The following TMEM232 variants were observed in gnomAD, a reference collection of about 807,000 sequenced individuals.
TMEM232 encodes the protein transmembrane protein 232.
A neutral mutation model predicts 78.8 loss-of-function variants in TMEM232; 80 were observed. That is an observed-to-expected ratio of 1.01 (90% confidence interval 0.85 to 1.22). The LOEUF is 1.22. Ranked by LOEUF, TMEM232 falls within the 50% of genes most tolerant of loss-of-function variation. TMEM232 has a pLI of 0.00. For synonymous variants in TMEM232, 297 were observed against 254.3 expected, an observed-to-expected ratio of 1.17 and a Z score of -1.60; for missense variants, 881 against 742.2, an observed-to-expected ratio of 1.19 and a Z score of -2.17.
At chr5:110,490,121 AAAAGAAAGAAAGAAAGAAAGAAAG>A (rs201189138) in intron 12 of TMEM232, among the ~76,000 whole-genome samples, 2,157 of 110,520 alleles carry the variant, frequency 0.02, 54 homozygotes, top group African/African-American at 0.052. Context: ...CTCCGTTTCA[AAAAGAAAGAAAGAAAGAAAGAAAG>A]AAAGAAAGAA....
chr5:110,636,425 C>A (rs979931231), intron 5 of TMEM232, among the ~76,000 whole-genome samples: 2 of 151,900 alleles, frequency 1.3e-5, no homozygotes, highest in African/African-American at 4.8e-5. Context: ...GATGCAAACA[C>A]ATAGAAATAA....
chr5:110,557,142 T>C (rs566864047), intron 11 of TMEM232, among the ~76,000 whole-genome samples: 9 of 152,302 alleles, frequency 5.9e-5, no homozygotes, highest in South Asian at 2.1e-4. Flanking sequence ...CCAAGATTCT[T>C]TTCTCAGCTT....
intron 1 of TMEM232, among the ~76,000 whole-genome samples, chr5:110,705,328 G>A (rs1328578879): frequency 1.3e-5 from 2 of 152,192 alleles, no homozygotes; most frequent in African/African-American, 4.8e-5. Context: ...GACAAGTTGG[G>A]AATGTATTTA....
intron 11 of TMEM232, among the ~76,000 whole-genome samples, chr5:110,555,145 G>T (rs1435025922): frequency 6.6e-6 from 1 of 152,060 alleles, no homozygotes; most frequent in Non-Finnish European, 1.5e-5. Flanking sequence ...TCATGTGGGT[G>T]TTTAGTGCTA....
intron 1 of TMEM232, among the ~76,000 whole-genome samples, chr5:110,693,849 G>T (rs1794436031): frequency 6.6e-6 from 1 of 152,142 alleles, no homozygotes; most frequent in African/African-American, 2.4e-5. Flanking sequence ...GAAAGTGACG[G>T]GGAGAATGGA....
At chr5:110,550,251 A>G (rs1217851791) in intron 11 of TMEM232, among the ~76,000 whole-genome samples, 1 of 152,164 alleles carries the variant, frequency 6.6e-6, no homozygotes, top group Non-Finnish European at 1.5e-5. Flanking sequence ...TTCTATATCA[A>G]TTCATAATAA....
chr5:110,726,295 G>A (rs1334618777), intron 1 of TMEM232, among the ~76,000 whole-genome samples: 4 of 152,128 alleles, frequency 2.6e-5, no homozygotes, highest in East Asian at 1.9e-4. Flanking sequence ...CAGGATAAGC[G>A]AGTCCAGGGG....
chr5:110,652,875 G>A (rs1443336921), intron 2 of TMEM232, among the ~76,000 whole-genome samples: 1 of 152,164 alleles, frequency 6.6e-6, no homozygotes, highest in Non-Finnish European at 1.5e-5. Flanking sequence ...TGTAAGAGCA[G>A]TCCTGTGGAA....
chr5:110,696,987 C>G (rs1437773457), intron 1 of TMEM232, among the ~76,000 whole-genome samples: 2 of 152,060 alleles, frequency 1.3e-5, no homozygotes, highest in Non-Finnish European at 2.9e-5. Flanking sequence ...CCCGCATTGC[C>G]AAGTCAATTC....
rs570205148 is a variant in TMEM232 at position 110,642,797 on chromosome 5, G to A, written c.126-426C>T. Among the ~76,000 whole-genome samples the A allele has an allele frequency of 3.7e-4, 56 of 152,222 alleles. 1 individual carries two copies. In the South Asian group the frequency reaches 4.3e-3, roughly 12 times the overall value. ...AGCCCAAACATGGTTGGATTTGAGG[G>A]AGCAAGGGAAGAAAGAAGTATAAGT... On this transcript the variant is annotated intron_variant, in intron 2 of 13. Coordinates refer to ENST00000455884, the MANE Select transcript of TMEM232 (RefSeq NM_001039763.4).
chr5:110,495,797 T>G (rs547265624), intron 12 of TMEM232, among the ~76,000 whole-genome samples: 3 of 151,750 alleles, frequency 2.0e-5, no homozygotes, highest in Admixed American at 6.6e-5. Context: ...TTACTAGAAC[T>G]AAAATGAAAG....
chr5:110,732,010 A>C (rs1798719455), intron 2 of TMEM232, among the ~76,000 whole-genome samples: 1 of 152,204 alleles, frequency 6.6e-6, no homozygotes, highest in Non-Finnish European at 1.5e-5. Flanking sequence ...GCTGCTTAGA[A>C]ATTTCTTCCA....
chr5:110,657,058 GGTC>G (rs1188847132), intron 2 of TMEM232, among the ~76,000 whole-genome samples: 1 of 151,794 alleles, frequency 6.6e-6, no homozygotes, highest in Non-Finnish European at 1.5e-5. Flanking sequence ...ATTTCTTTGT[GGTC>G]ACAACATTGA....
At chr5:110,640,502 A>G (rs1454235084) in intron 4 of TMEM232, among the ~76,000 whole-genome samples, 1 of 152,156 alleles carries the variant, frequency 6.6e-6, no homozygotes, top group African/African-American at 2.4e-5. Context: ...TATTTAAAAT[A>G]AGTGGAAAAC....
upstream of TMEM232, among the ~76,000 whole-genome samples, chr5:110,729,201 T>C (rs1238995004): frequency 2.0e-5 from 3 of 152,082 alleles, no homozygotes; most frequent in Admixed American, 2.0e-4. Context: ...TCTTTATTTT[T>C]AAAACTTTTT....
At chr5:110,715,349 A>C (rs530163991) in intron 1 of TMEM232, among the ~76,000 whole-genome samples, 2 of 152,296 alleles carry the variant, frequency 1.3e-5, no homozygotes, top group South Asian at 4.1e-4. Context: ...AAGCAAGCAA[A>C]AGTATAGAGA....
rs2445861 is a variant in TMEM232 at position 110,700,518 on chromosome 5, T to G, written c.-13+26109A>C. Among the ~76,000 whole-genome samples the G allele has an allele frequency of 2.9e-3, 445 of 152,110 alleles. 13 individuals are homozygous for G. The East Asian group carries it at 0.075, about 26-fold the overall frequency. On this transcript the variant is annotated intron_variant, in intron 1 of 13. Coordinates refer to ENST00000455884, the MANE Select transcript of TMEM232 (RefSeq NM_001039763.4). ...CACTGGTCAGATATGCAGATCAAAA[T>G]AGAGGACTCCCTTTCCAAAGGGAAC... is the stretch of plus-strand genomic sequence containing the variant.
At chr5:110,599,063 A>C (rs1044168874) in intron 10 of TMEM232, among the ~76,000 whole-genome samples, 11 of 152,110 alleles carry the variant, frequency 7.2e-5, no homozygotes, top group African/African-American at 2.7e-4. Flanking sequence ...TATCAAGCCA[A>C]ACTAATTTGC....
intron 12 of TMEM232, among the ~76,000 whole-genome samples, chr5:110,493,863 T>C (rs1360204363): frequency 6.6e-6 from 1 of 151,938 alleles, no homozygotes; most frequent in East Asian, 1.9e-4. Flanking sequence ...ACACGTGCCA[T>C]GGTGGTTTGC....
Sources: gnomAD v4.1 joint callset for allele counts (sites outside exome capture counted in the v4.1 genomes callset) on GRCh38, gnomAD v4.1.1 for gene constraint, MANE v1.5 for transcripts, NCBI Gene and HGNC (gene_info 2026-07-23, HGNC 2026-07-21) for gene names.